Variants in BCAS3 observed in about 807,000 individuals in gnomAD.
BCAS3 encodes BCAS3 microtubule associated cell migration factor.
BCAS3 carries 53 observed loss-of-function variants against 116.1 expected under a neutral mutation model. That is an observed-to-expected ratio of 0.46 (90% CI 0.37 to 0.57). BCAS3 has a LOEUF of 0.57. Ranked by LOEUF, BCAS3 falls within the 20% of genes least tolerant of loss-of-function variation. The pLI, the probability that BCAS3 is intolerant of heterozygous loss-of-function variation, is 0.00. For synonymous variants in BCAS3, 391 were observed against 408.2 expected (o/e 0.96, Z 0.51); for missense variants, 917 against 1,165.4 (o/e 0.79, Z 3.10).
In BCAS3 at chr17:61,118,441, A is replaced by G. The variant is rs2075605237; in HGVS notation, c.2425+33877A>G. On this transcript the variant is annotated intron_variant, in intron 22 of 23. Transcript: ENST00000407086. The surrounding 1 kb of genome is among the most constrained non-coding windows in gnomAD (Gnocchi z 5.0). ...GCAGGGGTGAAAATCCAGACTCCCC[A>G]TTTGTCCTGCACCAAAACTGCACGT... Among the ~76,000 whole-genome samples the G allele has an allele frequency of 2.0e-5, 3 of 152,168 alleles. No individual in the cohort carries two copies. Among genetic ancestry groups the G allele is most frequent in the Admixed American group, 1.3e-4 (2 of 15,274 alleles).
chr17:61,031,038 T>C (rs1382334948), intron 16 of BCAS3, among the ~76,000 whole-genome samples: 1 of 152,094 alleles, frequency 6.6e-6, no homozygotes, highest in Non-Finnish European at 1.5e-5. Context: ...TCTATCATTG[T>C]ATTATTAACT....
chr17:60,855,230 G>GAGCC (rs907442157), intron 7 of BCAS3, among the ~76,000 whole-genome samples: 5 of 150,482 alleles, frequency 3.3e-5, no homozygotes, highest in African/African-American at 1.2e-4. Flanking sequence ...TTTCAGGTGT[G>GAGCC]AGCCACCGTG....
At chr17:60,753,103 C>T (rs1011890372) in intron 6 of BCAS3, among the ~76,000 whole-genome samples, 7 of 152,172 alleles carry the variant, frequency 4.6e-5, no homozygotes, top group African/African-American at 9.7e-5. Context: ...CTCAGCCTCC[C>T]AGTGCTGGGA....
At chr17:60,888,654 T>C (rs73320643) in intron 9 of BCAS3, among the ~76,000 whole-genome samples, 7,702 of 152,210 alleles carry the variant, frequency 0.051, 616 homozygotes, top group African/African-American at 0.17. Context: ...ATTTAATAGA[T>C]AATAGTAATA....
intron 10 of BCAS3, among the ~76,000 whole-genome samples, chr17:60,890,559 T>C (rs1296631855): frequency 6.6e-6 from 1 of 152,228 alleles, no homozygotes; most frequent in Non-Finnish European, 1.5e-5. Context: ...ATCACACATG[T>C]TCACATTTTG....
intron 6 of BCAS3, among the ~76,000 whole-genome samples, chr17:60,767,196 C>T (rs2044196470): frequency 6.6e-6 from 1 of 152,178 alleles, no homozygotes; most frequent in Admixed American, 6.5e-5. Context: ...CCTCCGTGGG[C>T]TGCACCCACT....
chr17:60,715,931 C>T lies in BCAS3; in HGVS notation c.321+6606C>T, dbSNP rs144148681. Among the ~76,000 whole-genome samples the T allele has an allele frequency of 6.0e-3, 905 of 151,216 alleles. 16 individuals carry two copies. The highest frequency in any genetic ancestry group is 0.031 in the East Asian group (161 of 5,116). The stretch of plus-strand genomic sequence containing the variant: ...AGGCTGGAGTGCAGTGGTGTGATCT[C>T]GGCTCACTGCAGCCTCTGCCTCCCA... On this transcript the variant is annotated intron_variant, in intron 5 of 23. Coordinates refer to ENST00000407086, the MANE Select transcript of BCAS3 (RefSeq NM_017679.5).
At position 61,300,492 on chromosome 17, in the gene BCAS3, C is replaced by A. The variant is rs1214825468; in HGVS notation, c.2426-67835C>A. Among the ~76,000 whole-genome samples, 1 of 152,090 alleles carries A rather than the reference C, an allele frequency of 6.6e-6. No individual in the cohort carries two copies. The highest frequency in any genetic ancestry group is 1.5e-5 in the Non-Finnish European group (1 of 68,032). ...CATTTAAACCCATTGTGCTTAAGTACCAGATTTCATTGCAGACTCTTTAGA... is the reference window on the plus strand; with the variant it reads ...CATTTAAACCCATTGTGCTTAAGTAACAGATTTCATTGCAGACTCTTTAGA... On this transcript the variant is annotated intron_variant, in intron 22 of 23. Transcript: ENST00000407086. This position sits in a 1 kb window ranked among gnomAD's most constrained non-coding sequence, Gnocchi z 5.1.
At chr17:61,291,876 G>GT (rs2052447304) in intron 22 of BCAS3, among the ~76,000 whole-genome samples, 2 of 152,158 alleles carry the variant, frequency 1.3e-5, no homozygotes, top group Admixed American at 6.5e-5. Flanking sequence ...GTCCAGAGCA[G>GT]TTTACACAGG....
In BCAS3 at chr17:61,020,655, G is replaced by A. The variant is rs759321532; in HGVS notation, c.1637+4754G>A. Reference sequence around the variant, plus strand: ...GGTTGCACCATATCTTGGATGTTAGGTTTGTAGTAGGGATTTATTAGCAGC... The same window carrying A: ...GGTTGCACCATATCTTGGATGTTAGATTTGTAGTAGGGATTTATTAGCAGC... On this transcript the variant is annotated intron_variant, in intron 16 of 23. Transcript: ENST00000407086. This position sits in a 1 kb window ranked among gnomAD's most constrained non-coding sequence, Gnocchi z 4.5. Among the ~76,000 whole-genome samples the A allele has an allele frequency of 1.3e-5, 2 of 152,160 alleles. No individual in the cohort carries two copies. Among genetic ancestry groups the A allele is most frequent in the East Asian group, 3.8e-4 (2 of 5,202 alleles).
chr17:61,035,826 C>T lies in BCAS3; in HGVS notation c.1762+1036C>T, dbSNP rs148753342. Reference sequence around the variant, plus strand: ...ACTAATGGGTTGGTAGCGTATACAGCGTGGATATGCTGGACAAAGGATGAT... The same window carrying T: ...ACTAATGGGTTGGTAGCGTATACAGTGTGGATATGCTGGACAAAGGATGAT... On this transcript the variant is annotated intron_variant, in intron 17 of 23. Coordinates refer to ENST00000407086, the MANE Select transcript of BCAS3 (RefSeq NM_017679.5). 3.8e-3 allele frequency among the ~76,000 whole-genome samples: 573 copies of T among 152,152 alleles called. 4 individuals carry two copies. The highest frequency in any genetic ancestry group is 0.013 in the African/African-American group (541 of 41,502).
chr17:60,807,354 A>G (rs972146807), intron 6 of BCAS3, among the ~76,000 whole-genome samples: 3 of 152,126 alleles, frequency 2.0e-5, no homozygotes, highest in Non-Finnish European at 4.4e-5. Context: ...CTTGTCTTGA[A>G]CTACCTTTAT....
chr17:60,863,661 A>G (rs1410471041), intron 7 of BCAS3, among the ~76,000 whole-genome samples: 1 of 152,164 alleles, frequency 6.6e-6, no homozygotes, highest in East Asian at 1.9e-4. Context: ...TGCTGTGACT[A>G]GAGGATTGCT....
In BCAS3 at chr17:61,017,783, T is replaced by C. The variant is rs1281149068; in HGVS notation, c.1637+1882T>C. On this transcript the variant is annotated intron_variant, in intron 16 of 23. Transcript: ENST00000407086. The surrounding 1 kb of genome is among the most constrained non-coding windows in gnomAD (Gnocchi z 4.7). ...GTATTTGAAATTTTCCATAAGAAGA[T>C]AAAATCTCTTGCTTTCTTTCTCTCT... 1.3e-5 allele frequency among the ~76,000 whole-genome samples: 2 copies of C among 152,148 alleles called. No individual in the cohort carries two copies. Among genetic ancestry groups the C allele is most frequent in the African/African-American group, 4.8e-5 (2 of 41,442 alleles).
At chr17:61,350,790 A>C (rs1434860561) in intron 22 of BCAS3, among the ~76,000 whole-genome samples, 2 of 152,008 alleles carry the variant, frequency 1.3e-5, no homozygotes, top group Non-Finnish European at 2.9e-5. Context: ...GTGCCACCAC[A>C]CCTGGCTACT....
In BCAS3 at chr17:61,391,389, AGG is replaced by A. The variant is rs2060122255; in HGVS notation, c.2594-587_2594-586del. 1 of 152,686 alleles carries A rather than the reference AGG, an allele frequency of 6.5e-6. No individual in the cohort carries two copies. Among genetic ancestry groups the A allele is most frequent in the African/African-American group, 2.4e-5 (1 of 41,462 alleles). 9.5% of individuals were successfully genotyped at this position (152,686 alleles called of 1,614,324 possible). A position where few individuals can be genotyped will look rare whatever the true frequency, so the allele number is the denominator to read the frequency against. The stretch of plus-strand genomic sequence containing the variant: ...ACCAGGCATCCCCTCCCAGGGAAAC[AGG>A]ACACTTGGCAGGAGGTGCCAAAGAT... On this transcript the variant is annotated intron_variant, in intron 23 of 23. Coordinates refer to ENST00000407086, the MANE Select transcript of BCAS3 (RefSeq NM_017679.5). The surrounding 1 kb of genome is among the most constrained non-coding windows in gnomAD (Gnocchi z 7.7).
intron 6 of BCAS3, among the ~76,000 whole-genome samples, chr17:60,775,070 A>C (rs556750329): frequency 1.3e-5 from 2 of 152,330 alleles, no homozygotes; most frequent in South Asian, 4.1e-4. Context: ...AAATAAAGAA[A>C]AAAATAAATT....
At chr17:61,359,861 T>C (rs2058361197) in intron 22 of BCAS3, among the ~76,000 whole-genome samples, 1 of 152,208 alleles carries the variant, frequency 6.6e-6, no homozygotes, top group Admixed American at 6.5e-5. Flanking sequence ...TTTTCAGGAA[T>C]AGCTGGTCTG....
intron 22 of BCAS3, among the ~76,000 whole-genome samples, chr17:61,209,826 C>T (rs1316279626): frequency 2.0e-5 from 3 of 152,132 alleles, no homozygotes; most frequent in African/African-American, 2.4e-5. Context: ...AGTGGATGGC[C>T]GGCCAGCATA....
Sources: allele counts gnomAD v4.1 joint callset (sites outside exome capture counted in the v4.1 genomes callset), GRCh38; gene constraint gnomAD v4.1.1; non-coding constraint Gnocchi (gnomAD v3.1); transcripts MANE v1.5; gene names NCBI Gene and HGNC (gene_info 2026-07-23, HGNC 2026-07-21).